MAST2: variants seen among roughly 807,000 people sequenced by gnomAD.
MAST2 encodes microtubule-associated serine/threonine-protein kinase 2.
MAST2 carries 70 observed loss-of-function variants against 147.4 expected under a neutral mutation model. The ratio of observed to expected loss-of-function variants is 0.47; its 90% CI spans 0.39 to 0.58. MAST2 has a LOEUF of 0.58. MAST2 is among the 20% of genes least tolerant of loss of function. MAST2 has a pLI of 0.00. For synonymous variants in MAST2, 869 were observed against 896.8 expected (o/e 0.97, Z 0.55); for missense variants, 2,080 against 2,302.3 (o/e 0.90, Z 1.98).
chr1:45,962,223 A>G (rs1458604365), intron 5 of MAST2, among the ~76,000 whole-genome samples: 4 of 152,224 alleles, frequency 2.6e-5, no homozygotes, highest in Non-Finnish European at 4.4e-5. Flanking sequence ...TCATGCCGCA[A>G]TAAACATACA....
intron 4 of MAST2, among the ~76,000 whole-genome samples, chr1:45,905,941 C>T (rs1012297667): frequency 6.6e-6 from 1 of 151,906 alleles, no homozygotes; most frequent in Non-Finnish European, 1.5e-5. Context: ...TCCAGTTGGC[C>T]CACGTCCACA....
Position 45,918,920 on chromosome 1 carries a change from C to T in MAST2, c.500+36525C>T, listed in dbSNP as rs138713165. 3.0e-4 allele frequency among the ~76,000 whole-genome samples: 45 copies of T among 152,076 alleles called. No individual in the cohort carries two copies. The East Asian group carries it at 7.7e-3, about 26-fold the overall frequency. On this transcript the variant is annotated intron_variant, in intron 4 of 28. Transcript: ENST00000361297. The stretch of plus-strand genomic sequence containing the variant: ...TTGAGTTCAAGACCACTCACAAGTT[C>T]GAGACCAGCCTGGGCAACATGGTGA...
intron 4 of MAST2, among the ~76,000 whole-genome samples, chr1:45,922,094 G>C (rs1653593510): frequency 6.6e-6 from 1 of 152,216 alleles, no homozygotes; most frequent in Non-Finnish European, 1.5e-5. Context: ...CTTTCTGCAG[G>C]CAGGTGGTCC....
intron 3 of MAST2, chr1:45,847,265 G>A (rs543752164): frequency 2.1e-4 from 109 of 509,580 alleles, no homozygotes; most frequent in African/African-American, 2.0e-3. Flanking sequence ...TCGTCTGCTT[G>A]ATGATGGTGT....
At chr1:45,895,093 A>T (rs557883587) in intron 4 of MAST2, among the ~76,000 whole-genome samples, 22 of 152,322 alleles carry the variant, frequency 1.4e-4, no homozygotes, top group African/African-American at 5.1e-4. Context: ...GCCTCAGGCA[A>T]CCACTGATCT....
At chr1:45,846,002 T>C (rs997410800) in intron 3 of MAST2, among the ~76,000 whole-genome samples, 8 of 152,168 alleles carry the variant, frequency 5.3e-5, no homozygotes, top group Admixed American at 3.3e-4. Flanking sequence ...CCTTGTGATC[T>C]GCCCGCCTCG....
intron 3 of MAST2, among the ~76,000 whole-genome samples, chr1:45,855,439 A>G (rs143392311): frequency 6.6e-6 from 1 of 151,804 alleles, no homozygotes; most frequent in African/African-American, 2.4e-5. Context: ...TAGCATACAT[A>G]TCTTGTATGT....
chr1:46,006,276 G>A lies in MAST2; in HGVS notation c.783G>A (p.Leu261=). 6.2e-7 allele frequency: 1 copy of A among 1,613,536 alleles called. No homozygotes were observed. Among genetic ancestry groups the A allele is most frequent in the African/African-American group, 1.3e-5 (1 of 75,058 alleles). Residue 261 remains leucine (L), a synonymous_variant, in exon 8 of 29, where the codon TTG becomes TTA. Transcript: ENST00000361297. ...SCSSQEKLHQ[L]PFQPTADELH... The stretch of plus-strand genomic sequence containing the variant: ...CCTCACAGGAAAAGCTGCATCAGTT[G>A]CCTTTCCAGCCTACAGCTGATGAGC...
At chr1:45,964,083 A>G (rs1660821116) in intron 5 of MAST2, among the ~76,000 whole-genome samples, 1 of 152,192 alleles carries the variant, frequency 6.6e-6, no homozygotes, top group Non-Finnish European at 1.5e-5. Flanking sequence ...ATCATGGTGG[A>G]TAAGCTGTTT....
intron 4 of MAST2, among the ~76,000 whole-genome samples, chr1:45,903,112 C>T (rs1650053261): frequency 1.5e-5 from 2 of 132,552 alleles, no homozygotes; most frequent in Admixed American, 8.0e-5. Flanking sequence ...GCATTTAGCA[C>T]TATAAATTTT....
Position 45,826,105 on chromosome 1 carries a change from A to G in MAST2, c.325+1525A>G, listed in dbSNP as rs143040089. Among the ~76,000 whole-genome samples, 1,264 of 152,266 alleles carry G rather than the reference A, an allele frequency of 8.3e-3. 15 individuals carry two copies. Among genetic ancestry groups the G allele is most frequent in the Admixed American group, 0.012 (186 of 15,290 alleles). Reference sequence around the variant, plus strand: ...AACAAAAAAAAAGTAAAGTTTTCTTACCTGGATCAGCTCTTTCTTTTGAGC... The same window carrying G: ...AACAAAAAAAAAGTAAAGTTTTCTTGCCTGGATCAGCTCTTTCTTTTGAGC... On this transcript the variant is annotated intron_variant, in intron 2 of 28. Transcript: ENST00000361297.
At chr1:45,809,638 A>G (rs1644237235) in intron 1 of MAST2, among the ~76,000 whole-genome samples, 1 of 152,202 alleles carries the variant, frequency 6.6e-6, no homozygotes. Context: ...TCTCGTAAAG[A>G]AAGCAAAAAA....
At chr1:46,013,157 T>C (rs187756151) in intron 10 of MAST2, among the ~76,000 whole-genome samples, 36 of 152,324 alleles carry the variant, frequency 2.4e-4, no homozygotes, top group Admixed American at 1.6e-3. Flanking sequence ...ATTTAATTTA[T>C]CTGGTTAAAT....
intron 5 of MAST2, among the ~76,000 whole-genome samples, chr1:45,970,785 C>T (rs1047827550): frequency 6.9e-6 from 1 of 144,616 alleles, no homozygotes; most frequent in Non-Finnish European, 1.5e-5. Flanking sequence ...ACTTCGCTGA[C>T]AGACTAAGAA....
intron 5 of MAST2, among the ~76,000 whole-genome samples, chr1:45,967,867 A>G (rs939253577): frequency 6.6e-6 from 1 of 152,230 alleles, no homozygotes; most frequent in African/African-American, 2.4e-5. Context: ...TCCTCTCTTC[A>G]GTACCTTGTA....
chr1:45,971,773 GC>G (rs1476797060), intron 5 of MAST2, among the ~76,000 whole-genome samples: 3 of 152,126 alleles, frequency 2.0e-5, no homozygotes, highest in African/African-American at 7.2e-5. Context: ...AGTCATCAAT[GC>G]TACAGAAACA....
intron 15 of MAST2, among the ~76,000 whole-genome samples, 178 bp from the exon 16 acceptor site, chr1:46,025,499 A>G (rs568585510): frequency 1.2e-4 from 19 of 152,192 alleles, no homozygotes; most frequent in African/African-American, 4.6e-4. Context: ...ACACAGCCAA[A>G]CCATATCACC....
At chr1:45,975,964 TA>T (rs11311600) in intron 5 of MAST2, among the ~76,000 whole-genome samples, 67,080 of 150,642 alleles carry the variant, frequency 0.45, 15,171 homozygotes, top group East Asian at 0.63. Context: ...TTTTTTAATC[TA>T]AAAACTGAAT....
intron 7 of MAST2, among the ~76,000 whole-genome samples, chr1:46,004,420 T>C (rs1355122655): frequency 6.6e-6 from 1 of 152,144 alleles, no homozygotes; most frequent in Non-Finnish European, 1.5e-5. Context: ...AACAAGTGAT[T>C]TTTTTAGAAC....
Sources: gnomAD v4.1 joint callset for allele counts (sites outside exome capture counted in the v4.1 genomes callset) on GRCh38, gnomAD v4.1.1 for gene constraint, MANE v1.5 for transcripts, NCBI Gene and HGNC (gene_info 2026-07-23, HGNC 2026-07-21) for gene names.